Variants in XKRX observed in about 807,000 individuals in gnomAD.
The protein encoded by XKRX is XK related X-linked, also known as XK-related protein 2.
A neutral mutation model predicts 22.4 loss-of-function variants in XKRX; 11 were observed. The observed-to-expected ratio is 0.49, with a 90% CI of 0.31 to 0.81. XKRX has a LOEUF of 0.81. Among genes scored for constraint, XKRX ranks in the 40% least tolerant of loss-of-function variants. The pLI, the probability that XKRX is intolerant of heterozygous loss-of-function variation, is 0.05. For synonymous variants in XKRX, 114 were observed against 132.2 expected (o/e 0.86, Z 0.94); for missense variants, 320 against 336.5 (o/e 0.95, Z 0.38).
At chrX:100,941,950 C>T in the XKRX span, among the ~76,000 whole-genome samples, 10 of 109,750 alleles carry the variant, frequency 9.1e-5, no homozygotes, top group Admixed American at 2.0e-4. Context: ...TGGGTTCAAG[C>T]GATTCTCCTG....
chrX:100,934,099 C>T (rs2085528797), upstream of XKRX, among the ~76,000 whole-genome samples: 1 of 111,428 alleles, frequency 9.0e-6, no homozygotes, highest in Non-Finnish European at 1.9e-5. Flanking sequence ...TTTGTCTATT[C>T]TGGATAGAAT....
chrX:100,910,106 TG>T (rs779875253), downstream of XKRX, among the ~76,000 whole-genome samples: 1 of 110,423 alleles, frequency 9.1e-6, no homozygotes, highest in South Asian at 3.9e-4. Flanking sequence ...CATGCAAATT[TG>T]CCCATACTTA....
At chrX:100,912,457 C>A (rs2085410323), downstream of XKRX, among the ~76,000 whole-genome samples, 3 of 111,927 alleles carry the variant, frequency 2.7e-5, no homozygotes, top group South Asian at 1.1e-3. Flanking sequence ...AAATAAGATA[C>A]TTTGGTTAAC....
the XKRX span, among the ~76,000 whole-genome samples, chrX:100,899,418 G>A: frequency 8.9e-6 from 1 of 112,301 alleles, no homozygotes; most frequent in African/African-American, 3.2e-5. Flanking sequence ...GAGAGGTTGA[G>A]GGGGGAGGAT....
At chrX:100,954,198 C>T in the XKRX span, among the ~76,000 whole-genome samples, 1 of 111,262 alleles carries the variant, frequency 9.0e-6, no homozygotes, top group Non-Finnish European at 1.9e-5. Context: ...GTGGGCGGAT[C>T]ATCTGAGGTC....
At chrX:100,901,891 T>C in the XKRX span, among the ~76,000 whole-genome samples, 2 of 110,010 alleles carry the variant, frequency 1.8e-5, no homozygotes, top group Non-Finnish European at 3.8e-5. Flanking sequence ...CCCAGCTACT[T>C]GGGAGGCTGA....
chrX:100,908,255 T>C, the XKRX span, among the ~76,000 whole-genome samples: 4 of 109,609 alleles, frequency 3.6e-5, no homozygotes, highest in African/African-American at 1.3e-4. Flanking sequence ...TAGCTGTGAG[T>C]ACAGGTGCGT....
chrX:100,936,456 G>A, the XKRX span, among the ~76,000 whole-genome samples: 17 of 93,673 alleles, frequency 1.8e-4, no homozygotes, highest in African/African-American at 6.9e-4. Flanking sequence ...CAGGAGAATC[G>A]ATTGAACCCA....
At chrX:100,922,023 C>T (rs918587938) in intron 2 of XKRX, among the ~76,000 whole-genome samples, 4 of 108,424 alleles carry the variant, frequency 3.7e-5, no homozygotes, top group African/African-American at 6.7e-5. Flanking sequence ...TTAGTACAGA[C>T]GGGTTTTCAT....
the XKRX span, among the ~76,000 whole-genome samples, chrX:100,941,638 G>A: frequency 7.1e-5 from 8 of 112,272 alleles, no homozygotes; most frequent in African/African-American, 1.3e-4. Flanking sequence ...TATGGATAGC[G>A]CAGATATAGA....
the XKRX span, chrX:100,888,101 C>A: frequency 5.1e-6 from 6 of 1,168,566 alleles, no homozygotes; most frequent in African/African-American, 8.8e-5. Context: ...TATGGTATTT[C>A]GGAATGACAA....
the XKRX span, among the ~76,000 whole-genome samples, chrX:100,949,869 T>A: frequency 8.9e-6 from 1 of 112,035 alleles, no homozygotes; most frequent in Non-Finnish European, 1.9e-5. Flanking sequence ...CAACAAGCAA[T>A]TTAAAGTATG....
At chrX:100,916,340 C>T (rs775510515) in intron 2 of XKRX, among the ~76,000 whole-genome samples, 1 of 111,883 alleles carries the variant, frequency 8.9e-6, no homozygotes, top group African/African-American at 3.2e-5. Context: ...TCTCTATTTT[C>T]TAAATTTCTC....
chrX:100,932,984 G>C (rs1254297481), upstream of XKRX, among the ~76,000 whole-genome samples: 3 of 110,326 alleles, frequency 2.7e-5, no homozygotes, highest in Admixed American at 2.9e-4. Flanking sequence ...GGGCAACAAA[G>C]TGAGACCCTG....
chrX:100,954,510 T>C, the XKRX span, among the ~76,000 whole-genome samples: 6 of 111,671 alleles, frequency 5.4e-5, no homozygotes, highest in Non-Finnish European at 1.1e-4. Flanking sequence ...ATCTGGCAGT[T>C]CCTCAAAAGG....
At chrX:100,891,763 A>AAAAG in the XKRX span, among the ~76,000 whole-genome samples, 5,582 of 59,192 alleles carry the variant, frequency 0.094, 267 homozygotes, top group African/African-American at 0.13. Flanking sequence ...AAGAAAGAAG[A>AAAAG]AAAGAAAGAA....
chrX:100,924,577 C>T (rs2085490640), intron 1 of XKRX, among the ~76,000 whole-genome samples: 1 of 111,510 alleles, frequency 9.0e-6, no homozygotes, highest in African/African-American at 3.3e-5. Flanking sequence ...GTTACCACTT[C>T]GCCACTCACC....
At chrX:100,912,848 T>C (rs976951634), downstream of XKRX, among the ~76,000 whole-genome samples, 2 of 111,777 alleles carry the variant, frequency 1.8e-5, no homozygotes, top group Non-Finnish European at 3.8e-5. Flanking sequence ...CATGCATTCG[T>C]CCACTGGGGG....
chrX:100,889,584 C>T, the XKRX span, among the ~76,000 whole-genome samples: 2 of 110,189 alleles, frequency 1.8e-5, no homozygotes, highest in Non-Finnish European at 3.8e-5. Flanking sequence ...GGGGAGAACA[C>T]CATATAAAGA....
Sources: gnomAD v4.1 joint callset for allele counts (sites outside exome capture counted in the v4.1 genomes callset) on GRCh38, gnomAD v4.1.1 for gene constraint, MANE v1.5 for transcripts, NCBI Gene and HGNC (gene_info 2026-07-23, HGNC 2026-07-21) for gene names.